Variants in TMEM44 observed in about 807,000 individuals in gnomAD.
TMEM44 encodes the protein transmembrane protein 44.
TMEM44 carries 43 observed loss-of-function variants against 47.8 expected under a neutral mutation model. The ratio of observed to expected loss-of-function variants is 0.90; its 90% confidence interval spans 0.70 to 1.16. TMEM44 has a LOEUF of 1.16. Among genes scored for constraint, TMEM44 ranks in the 50% most tolerant of loss-of-function variants. TMEM44 has a pLI of 0.00. For missense variants in TMEM44, 568 were observed against 555.2 expected (o/e 1.02, Z -0.23); for synonymous variants, 277 against 238.8 (o/e 1.16, Z -1.48).
In TMEM44 at chr3:194,631,630, G is replaced by A. The variant is rs968167576; in HGVS notation, c.137+1449C>T. Among the ~76,000 whole-genome samples the A allele has an allele frequency of 3.3e-5, 5 of 152,318 alleles. No individual in the cohort carries two copies. The East Asian group carries it at 5.8e-4, about 18-fold the overall frequency. ...TTTATATCAACCCTCCCATTTGAGA[G>A]GACAAAACTGAGGCCTCTGGTGAGA... On this transcript the variant is annotated intron_variant, in intron 1 of 9. Coordinates refer to ENST00000347147, the MANE Select transcript of TMEM44 (RefSeq NM_001011655.3).
chr3:194,624,671 A>G (rs1439839165), intron 3 of TMEM44, among the ~76,000 whole-genome samples: 2 of 151,392 alleles, frequency 1.3e-5, no homozygotes, highest in Middle Eastern at 3.5e-3. Context: ...TTCCCAACTC[A>G]GCCTCCCGAA....
Position 194,610,945 on chromosome 3 carries a change from T to C in TMEM44, c.988A>G (p.Met330Val), listed in dbSNP as rs752108758. ...LRTMTAISRY[M>V]ELTIEPVQQA... ...TGCACAGGCTCGATGGTCAGCTCCA[T>C]GTAGCGACTGATTGCTGTCATTGTC... Residue 330 changes from methionine (M) to valine (V), a missense_variant, in exon 8 of 10, where the codon ATG (methionine) becomes GTG (valine). Coordinates refer to ENST00000347147, the MANE Select transcript of TMEM44 (RefSeq NM_001011655.3). 3 of 1,613,934 alleles carry C rather than the reference T, an allele frequency of 1.9e-6. No homozygotes were observed. Among genetic ancestry groups the C allele is most frequent in the East Asian group, 4.5e-5 (2 of 44,888 alleles).
chr3:194,601,910 G>C lies in TMEM44; in HGVS notation c.1176+2377C>G, dbSNP rs182215934. Among the ~76,000 whole-genome samples the C allele has an allele frequency of 2.1e-3, 318 of 152,246 alleles. 2 individuals carry two copies. The highest frequency in any genetic ancestry group is 7.0e-3 in the African/African-American group (290 of 41,556). On this transcript the variant is annotated intron_variant, in intron 9 of 9. Coordinates refer to ENST00000347147, the MANE Select transcript of TMEM44 (RefSeq NM_001011655.3). ...GCAGTCCTTACCTCAACTGAGGGTG[G>C]GCGGCAAGAGTCAACCTTGTTTCCA...
chr3:194,633,120 C>T lies in TMEM44; in HGVS notation c.96G>A (p.Leu32=). 6.4e-7 allele frequency: 1 copy of T among 1,551,408 alleles called. No homozygotes were observed. Among genetic ancestry groups the T allele is most frequent in the South Asian group, 1.2e-5 (1 of 84,136 alleles). The change falls in exon 1 of 10, where the codon CTG becomes CTA. Residue 32 remains leucine (L), a synonymous_variant. Transcript: ENST00000347147. The part of the protein sequence containing the change: ...ARHRVCISFG[L]WICASSCWIA... ...TCCAGCAGGAGGAGGCGCAGATCCA[C>T]AGGCCGAAGGAGATGCAGACGCGGT...
chr3:194,601,546 G>A (rs985503767), intron 9 of TMEM44, among the ~76,000 whole-genome samples: 7 of 151,902 alleles, frequency 4.6e-5, no homozygotes, highest in South Asian at 2.1e-4. Flanking sequence ...CAGATGATCC[G>A]CCCACCTTGG....
At chr3:194,623,120 C>T (rs760916500) in intron 5 of TMEM44, 104 bp downstream of exon 5, 2 of 1,105,306 alleles carry the variant, frequency 1.8e-6, no homozygotes, top group East Asian at 2.7e-5. Flanking sequence ...TGTCCATGCA[C>T]CCACGGTGAC....
intron 3 of TMEM44, 46 bp downstream of exon 3, chr3:194,625,851 G>C: frequency 1.3e-6 from 2 of 1,516,816 alleles, no homozygotes; most frequent in Non-Finnish European, 1.8e-6. Flanking sequence ...GCGTGCTGAT[G>C]AATGAATGGG....
intron 5 of TMEM44, among the ~76,000 whole-genome samples, chr3:194,621,785 C>T (rs1225239952): frequency 1.3e-5 from 2 of 151,896 alleles, no homozygotes; most frequent in African/African-American, 2.4e-5. Context: ...AGCACGATCT[C>T]GGCTCACTGC....
intron 9 of TMEM44, among the ~76,000 whole-genome samples, chr3:194,591,744 C>G (rs1350282770): frequency 6.6e-6 from 1 of 151,638 alleles, no homozygotes; most frequent in Non-Finnish European, 1.5e-5. Flanking sequence ...TAGCTGGGAC[C>G]ACAGGTACAC....
chr3:194,600,116 G>A (rs369751446), intron 9 of TMEM44, among the ~76,000 whole-genome samples: 2 of 150,412 alleles, frequency 1.3e-5, no homozygotes, highest in Non-Finnish European at 3.0e-5. Context: ...TTTTCAGACA[G>A]GGTCTCACTC....
chr3:194,601,149 G>GT (rs147661100), intron 9 of TMEM44, among the ~76,000 whole-genome samples: 105 of 146,306 alleles, frequency 7.2e-4, no homozygotes, highest in South Asian at 4.0e-3. Flanking sequence ...TTACTTGTTT[G>GT]TTTTTTTTTT....
chr3:194,618,756 A>G lies in TMEM44; in HGVS notation c.613-1487T>C, dbSNP rs1039827088. Among the ~76,000 whole-genome samples, 8 of 152,278 alleles carry G rather than the reference A, an allele frequency of 5.3e-5. No individual in the cohort carries two copies. In the South Asian group the frequency reaches 1.5e-3, roughly 28 times the overall value. ...CAGGAGAAAAAGCATGTTTTGGCCA[A>G]TTTTGCCCCATTTTAAGTTTAATTC... On this transcript the variant is annotated intron_variant, in intron 5 of 9. Transcript: ENST00000347147.
At chr3:194,607,606 T>A (rs1386753612) in intron 8 of TMEM44, among the ~76,000 whole-genome samples, 2 of 152,186 alleles carry the variant, frequency 1.3e-5, no homozygotes, top group African/African-American at 4.8e-5. Context: ...CTTGAGCAGG[T>A]CACTTAACTG....
Position 194,611,012 on chromosome 3 carries a change from A to T in TMEM44, c.921T>A (p.Asp307Glu), listed in dbSNP as rs375834895. ...GTGACAGTGTGGTGAGAGGCACCCA[A>T]TCCAAATTCTTGCAAGTAGAGGCAG... ...EKEEENQENL[D>E]WVPLTTLSHC... The change falls in exon 8 of 10, where the codon GAT (aspartate) becomes GAA (glutamate). Residue 307 changes from aspartate (D) to glutamate (E), a missense_variant. Transcript: ENST00000347147. The surrounding 1 kb of genome is among the most constrained non-coding windows in gnomAD (Gnocchi z 4.2). The T allele has an allele frequency of 1.6e-5, 26 of 1,613,758 alleles. No individual in the cohort carries two copies. The South Asian group carries it at 2.3e-4, about 14-fold the overall frequency.
chr3:194,615,053 A>G (rs1285491274), intron 7 of TMEM44, among the ~76,000 whole-genome samples: 1 of 152,058 alleles, frequency 6.6e-6, no homozygotes, highest in Non-Finnish European at 1.5e-5. Context: ...CCTGGCCAAC[A>G]TGGTGAAACC....
At chr3:194,612,822 G>A (rs1253383208) in intron 7 of TMEM44, among the ~76,000 whole-genome samples, 4 of 151,948 alleles carry the variant, frequency 2.6e-5, no homozygotes, top group Non-Finnish European at 2.9e-5. Context: ...CCGCCACCGC[G>A]CCCAGCTAAT....
intron 5 of TMEM44, among the ~76,000 whole-genome samples, chr3:194,621,024 C>CAA (rs35118545): frequency 1.7e-5 from 2 of 117,310 alleles, no homozygotes; most frequent in Non-Finnish European, 1.8e-5. Flanking sequence ...GACTCTGTCT[C>CAA]AAAAAAAAAA....
At chr3:194,626,909 T>C (rs1017306076) in intron 2 of TMEM44, among the ~76,000 whole-genome samples, 6 of 143,402 alleles carry the variant, frequency 4.2e-5, no homozygotes, top group African/African-American at 1.6e-4. Flanking sequence ...ATTATTGGAC[T>C]TGAGCTGGGA....
intron 8 of TMEM44, among the ~76,000 whole-genome samples, chr3:194,605,950 A>G (rs1005255628): frequency 1.3e-5 from 2 of 152,162 alleles, no homozygotes; most frequent in African/African-American, 2.4e-5. Context: ...CTGGCAGAGA[A>G]AATCCACAAG....
Sources: gnomAD v4.1 joint callset for allele counts (sites outside exome capture counted in the v4.1 genomes callset) on GRCh38, gnomAD v4.1.1 for gene constraint, Gnocchi (gnomAD v3.1) non-coding constraint, MANE v1.5 for transcripts, NCBI Gene and HGNC (gene_info 2026-07-23, HGNC 2026-07-21) for gene names.